The following TMEM132D variants were observed in gnomAD, a reference collection of about 807,000 sequenced individuals.
The protein encoded by TMEM132D is mature OL transmembrane protein.
A neutral mutation model predicts 62.3 loss-of-function variants in TMEM132D; 21 were observed. That is an observed-to-expected ratio of 0.34 (90% confidence interval 0.24 to 0.49). The LOEUF is 0.49. Among genes scored for constraint, TMEM132D ranks in the 20% least tolerant of loss-of-function variants. The pLI is 0.99. For synonymous variants in TMEM132D, 621 were observed against 575.6 expected (o/e 1.08, Z -1.13); for missense variants, 1,346 against 1,402.8 (o/e 0.96, Z 0.65).
chr12:129,600,380 C>T (rs1878453769), intron 2 of TMEM132D, among the ~76,000 whole-genome samples: 1 of 152,178 alleles, frequency 6.6e-6, no homozygotes, highest in Non-Finnish European at 1.5e-5. Flanking sequence ...AAGTCTTGAG[C>T]CCCTCAAAGT....
In TMEM132D at chr12:129,623,762, C is replaced by T. The variant is rs635005; in HGVS notation, c.968+76048G>A. ...ATATATATACACATATATATACACA[C>T]ATATATATACACATATATATATATT... On this transcript the variant is annotated intron_variant, in intron 2 of 8. Coordinates refer to ENST00000422113, the MANE Select transcript of TMEM132D (RefSeq NM_133448.3). 8.7e-5 allele frequency among the ~76,000 whole-genome samples: 13 copies of T among 149,274 alleles called. No individual in the cohort carries two copies. In the East Asian group the frequency reaches 2.3e-3, roughly 27 times the overall value.
At chr12:129,649,798 GTA>G (rs932288295) in intron 2 of TMEM132D, among the ~76,000 whole-genome samples, 9 of 150,896 alleles carry the variant, frequency 6.0e-5, no homozygotes, top group African/African-American at 1.7e-4. Flanking sequence ...GTGTGTGTGC[GTA>G]TGTGTGTGTG....
intron 5 of TMEM132D, among the ~76,000 whole-genome samples, chr12:129,206,579 C>T (rs553420538): frequency 6.6e-6 from 1 of 152,282 alleles, no homozygotes; most frequent in African/African-American, 2.4e-5. Flanking sequence ...AACTACCATT[C>T]AATCCAGCAA....
chr12:129,704,876 A>T (rs1287351649), intron 1 of TMEM132D, among the ~76,000 whole-genome samples: 2 of 152,206 alleles, frequency 1.3e-5, no homozygotes. Flanking sequence ...ATATTGAAGT[A>T]CCTTTTATAC....
intron 2 of TMEM132D, among the ~76,000 whole-genome samples, chr12:129,640,499 C>T (rs762791318): frequency 7.2e-5 from 11 of 152,230 alleles, no homozygotes; most frequent in South Asian, 2.1e-4. Flanking sequence ...ATCTCCTGAC[C>T]GTGCCACTTT....
intron 3 of TMEM132D, among the ~76,000 whole-genome samples, chr12:129,365,724 C>T (rs1484914044): frequency 6.6e-6 from 1 of 152,080 alleles, no homozygotes; most frequent in Non-Finnish European, 1.5e-5. Context: ...TTCTACCTTA[C>T]CTCAATGTGT....
chr12:129,576,924 G>A (rs11060444), intron 2 of TMEM132D, among the ~76,000 whole-genome samples: 16,512 of 151,868 alleles, frequency 0.11, 1,477 homozygotes, highest in East Asian at 0.52. Flanking sequence ...CGTTTGTGTC[G>A]TTTGTTTACA....
chr12:129,316,319 A>G (rs1373186815), intron 4 of TMEM132D, among the ~76,000 whole-genome samples: 1 of 152,176 alleles, frequency 6.6e-6, no homozygotes, highest in Non-Finnish European at 1.5e-5. Context: ...CCTTTGCTGT[A>G]TCCCAGAGGT....
At chr12:129,286,758 A>C (rs145685747) in intron 4 of TMEM132D, among the ~76,000 whole-genome samples, 1 of 152,300 alleles carries the variant, frequency 6.6e-6, no homozygotes, top group Non-Finnish European at 1.5e-5. Context: ...CAATAAAAGG[A>C]GACAGGGAGC....
chr12:129,473,527 C>T (rs1417435082), intron 3 of TMEM132D, among the ~76,000 whole-genome samples: 6 of 151,612 alleles, frequency 4.0e-5, no homozygotes, highest in African/African-American at 7.3e-5. Flanking sequence ...GATGGGGTTT[C>T]GCTATATTGG....
intron 1 of TMEM132D, among the ~76,000 whole-genome samples, chr12:129,797,024 G>T (rs1024059273): frequency 6.6e-6 from 1 of 152,150 alleles, no homozygotes; most frequent in African/African-American, 2.4e-5. Context: ...TTTCTACAGG[G>T]ACACTTTCTT....
chr12:129,833,581 C>T (rs928129877), intron 1 of TMEM132D, among the ~76,000 whole-genome samples: 3 of 152,142 alleles, frequency 2.0e-5, no homozygotes, highest in Non-Finnish European at 4.4e-5. Context: ...GCTGTGATCA[C>T]GCCACTGTTC....
chr12:129,470,990 G>A (rs754540822), intron 3 of TMEM132D, among the ~76,000 whole-genome samples: 63 of 152,132 alleles, frequency 4.1e-4, no homozygotes, highest in Non-Finnish European at 7.8e-4. Flanking sequence ...GAGAAAATGG[G>A]TGCATGAGCA....
chr12:129,222,214 C>G (rs1362494519), intron 4 of TMEM132D, among the ~76,000 whole-genome samples: 1 of 152,192 alleles, frequency 6.6e-6, no homozygotes, highest in Admixed American at 6.5e-5. Flanking sequence ...CATGCCTTCT[C>G]CCTGTGAGGC....
At chr12:129,844,397 C>A (rs192065824) in intron 1 of TMEM132D, among the ~76,000 whole-genome samples, 6 of 152,260 alleles carry the variant, frequency 3.9e-5, no homozygotes, top group Admixed American at 2.0e-4. Context: ...GAGATGAGGT[C>A]TCATGCCTAC....
chr12:129,161,891 G>A (rs376172264), intron 5 of TMEM132D, among the ~76,000 whole-genome samples: 11 of 152,150 alleles, frequency 7.2e-5, no homozygotes, highest in East Asian at 1.9e-4. Flanking sequence ...AAATCATATC[G>A]AAATGTTGAA....
At chr12:129,422,831 T>A (rs1872368481) in intron 3 of TMEM132D, among the ~76,000 whole-genome samples, 1 of 151,878 alleles carries the variant, frequency 6.6e-6, no homozygotes, top group African/African-American at 2.4e-5. Flanking sequence ...ATGCAGGTAT[T>A]TCAAAGAGAA....
chr12:129,127,488 C>T (rs989940094), intron 5 of TMEM132D, among the ~76,000 whole-genome samples: 2 of 152,028 alleles, frequency 1.3e-5, no homozygotes, highest in African/African-American at 2.4e-5. Context: ...GTTCTTTGTT[C>T]ATATATGAAC....
chr12:129,550,266 C>T (rs1876857679), intron 2 of TMEM132D, among the ~76,000 whole-genome samples: 1 of 152,014 alleles, frequency 6.6e-6, no homozygotes, highest in Admixed American at 6.5e-5. Flanking sequence ...ACTAAAAAAC[C>T]CTGAAAGAGC....
Sources: allele counts gnomAD v4.1 joint callset (sites outside exome capture counted in the v4.1 genomes callset), GRCh38; gene constraint gnomAD v4.1.1; transcripts MANE v1.5; gene names NCBI Gene and HGNC (gene_info 2026-07-23, HGNC 2026-07-21).